The following STPG2 variants were observed in gnomAD, a reference collection of about 807,000 sequenced individuals.
The protein encoded by STPG2 is sperm-tail PG-rich repeat-containing protein 2.
A neutral mutation model predicts 54.2 loss-of-function variants in STPG2; 56 were observed. That is an observed-to-expected ratio of 1.03 (90% CI 0.83 to 1.29). STPG2 has a LOEUF of 1.29. Ranked by LOEUF, STPG2 falls within the 50% of genes most tolerant of loss-of-function variation. The pLI, the probability that STPG2 is intolerant of heterozygous loss-of-function variation, is 0.00. For synonymous variants in STPG2, 200 were observed against 181.8 expected (o/e 1.10, Z -0.81); for missense variants, 596 against 544.9 (o/e 1.09, Z -0.93).
intron 10 of STPG2, among the ~76,000 whole-genome samples, chr4:97,679,043 G>A (rs1338842326): frequency 1.3e-5 from 2 of 152,076 alleles, no homozygotes; most frequent in Non-Finnish European, 2.9e-5. Flanking sequence ...CATTTGGGTT[G>A]GTTCCAAGTC....
At chr4:98,136,002 G>A (rs1251783126) in intron 1 of STPG2, among the ~76,000 whole-genome samples, 1 of 151,524 alleles carries the variant, frequency 6.6e-6, no homozygotes, top group African/African-American at 2.4e-5. Context: ...ATAAAGAGGA[G>A]AAAAGTCAAT....
At chr4:97,809,644 G>T (rs1303572940) in intron 9 of STPG2, among the ~76,000 whole-genome samples, 1 of 152,146 alleles carries the variant, frequency 6.6e-6, no homozygotes, top group Non-Finnish European at 1.5e-5. Flanking sequence ...AGACCCACTG[G>T]CTGACAATCA....
intron 9 of STPG2, among the ~76,000 whole-genome samples, chr4:97,716,748 C>T (rs769100707): frequency 3.3e-5 from 5 of 151,486 alleles, no homozygotes; most frequent in Non-Finnish European, 7.4e-5. Context: ...AGGAGAAATA[C>T]CTAATGTAGG....
At chr4:97,820,492 T>G (rs1418925428) in intron 9 of STPG2, among the ~76,000 whole-genome samples, 1 of 152,154 alleles carries the variant, frequency 6.6e-6, no homozygotes, top group Non-Finnish European at 1.5e-5. Context: ...CACCAAACAG[T>G]TACCCAAGTG....
intron 10 of STPG2, among the ~76,000 whole-genome samples, chr4:97,710,148 C>G (rs1218304821): frequency 6.6e-6 from 1 of 151,806 alleles, no homozygotes; most frequent in Non-Finnish European, 1.5e-5. Context: ...CACATTTTCT[C>G]CCTAGCTTTT....
chr4:97,475,456 A>C (rs1730047341), intron 4 of STPG2, among the ~76,000 whole-genome samples: 1 of 149,410 alleles, frequency 6.7e-6, no homozygotes, highest in African/African-American at 2.4e-5. Flanking sequence ...TCTAACATAT[A>C]TGTATATATG....
intron 10 of STPG2, among the ~76,000 whole-genome samples, chr4:97,630,088 T>G (rs1248514110): frequency 6.6e-6 from 1 of 151,880 alleles, no homozygotes; most frequent in Non-Finnish European, 1.5e-5. Flanking sequence ...CAGACAAAAC[T>G]AATTAAGTTT....
intron 10 of STPG2, among the ~76,000 whole-genome samples, chr4:97,598,910 CA>C (rs941619054): frequency 6.6e-6 from 1 of 152,010 alleles, no homozygotes; most frequent in African/African-American, 2.4e-5. Context: ...ACAACAACAA[CA>C]AAAAAATGAC....
intron 10 of STPG2, among the ~76,000 whole-genome samples, chr4:97,611,415 A>C (rs1733727146): frequency 6.6e-6 from 1 of 151,956 alleles, no homozygotes; most frequent in Admixed American, 6.6e-5. Context: ...GGGAAATAAA[A>C]ATTCCAGTAA....
intron 3 of STPG2, among the ~76,000 whole-genome samples, chr4:98,124,956 T>C (rs762519385): frequency 6.6e-6 from 1 of 152,226 alleles, no homozygotes; most frequent in Non-Finnish European, 1.5e-5. Flanking sequence ...TTTTCTCCAC[T>C]TGGTTTGTTT....
chr4:98,127,809 T>G (rs1038033941), intron 3 of STPG2, among the ~76,000 whole-genome samples: 3 of 152,216 alleles, frequency 2.0e-5, no homozygotes, highest in African/African-American at 7.2e-5. Context: ...TAACTGATAT[T>G]TCAGTCAGAG....
intron 5 of STPG2, among the ~76,000 whole-genome samples, chr4:98,086,380 T>C (rs1431679651): frequency 6.6e-6 from 1 of 151,810 alleles, no homozygotes; most frequent in Admixed American, 6.6e-5. Flanking sequence ...TGACTTTAAA[T>C]AAAAAAGAGG....
At chr4:97,971,834 T>A (rs1252047021) in intron 7 of STPG2, among the ~76,000 whole-genome samples, 3 of 151,376 alleles carry the variant, frequency 2.0e-5, no homozygotes, top group South Asian at 2.1e-4. Context: ...AATCATAATT[T>A]AAAAAAATAG....
chr4:97,940,715 T>C (rs1272646878), intron 8 of STPG2, among the ~76,000 whole-genome samples: 1 of 152,200 alleles, frequency 6.6e-6, no homozygotes, highest in Non-Finnish European at 1.5e-5. Flanking sequence ...TTTATTGTGA[T>C]TTTAAAATAA....
chr4:98,033,679 GA>G (rs1219109352), intron 5 of STPG2, among the ~76,000 whole-genome samples: 1 of 152,156 alleles, frequency 6.6e-6, no homozygotes, highest in Non-Finnish European at 1.5e-5. Flanking sequence ...TATCCCTGAT[GA>G]ACATCGATGC....
At chr4:97,617,290 GC>G (rs1372229555) in intron 10 of STPG2, among the ~76,000 whole-genome samples, 1 of 151,766 alleles carries the variant, frequency 6.6e-6, no homozygotes, top group Non-Finnish European at 1.5e-5. Context: ...CCCATTACAA[GC>G]CTAAAAAAAA....
chr4:97,803,266 T>G (rs531944362), intron 9 of STPG2, among the ~76,000 whole-genome samples: 2 of 152,288 alleles, frequency 1.3e-5, no homozygotes, highest in African/African-American at 4.8e-5. Context: ...CTCTTTAAAA[T>G]ATGTTCACCA....
intron 8 of STPG2, among the ~76,000 whole-genome samples, chr4:97,854,370 T>C (rs1023198314): frequency 1.3e-5 from 2 of 151,678 alleles, no homozygotes; most frequent in African/African-American, 2.4e-5. Context: ...CTTCTTGGGT[T>C]GTAAAGATTA....
chr4:97,781,753 C>T (rs1485019701), intron 9 of STPG2, among the ~76,000 whole-genome samples: 3 of 152,164 alleles, frequency 2.0e-5, no homozygotes, highest in African/African-American at 7.2e-5. Context: ...TGGGCTTCAT[C>T]CCTGGGATGC....
Sources: allele counts gnomAD v4.1 joint callset (sites outside exome capture counted in the v4.1 genomes callset), GRCh38; gene constraint gnomAD v4.1.1; transcripts MANE v1.5; gene names NCBI Gene and HGNC (gene_info 2026-07-23, HGNC 2026-07-21).